The following GABRA3 variants were observed in gnomAD, a reference collection of about 807,000 sequenced individuals.
GABRA3 encodes gamma-aminobutyric acid type A receptor subunit alpha3.
A neutral mutation model predicts 30.1 loss-of-function variants in GABRA3; 10 were observed. The observed-to-expected ratio is 0.33, with a 90% CI of 0.20 to 0.56. The LOEUF is 0.56. Ranked by LOEUF, GABRA3 falls within the 20% of genes least tolerant of loss-of-function variation. GABRA3 has a pLI of 0.89. For synonymous variants in GABRA3, 151 were observed against 146.8 expected, an observed-to-expected ratio of 1.03 and a Z score of -0.21; for missense variants, 233 against 392.0, an observed-to-expected ratio of 0.59 and a Z score of 3.42.
chrX:152,289,673 C>A (rs1264124054), intron 3 of GABRA3, among the ~76,000 whole-genome samples: 1 of 110,338 alleles, frequency 9.1e-6, no homozygotes, highest in Non-Finnish European at 1.9e-5. Flanking sequence ...CCCTGCCCCC[C>A]ACCCCACGAC....
chrX:152,208,195 T>C, intron 6 of GABRA3, 51 bp from the exon 7 acceptor site: 1 of 1,139,428 alleles, frequency 8.8e-7, no homozygotes, highest in South Asian at 1.9e-5. Context: ...TGGAGAATGA[T>C]TACCCTTGAT....
intron 3 of GABRA3, among the ~76,000 whole-genome samples, chrX:152,310,986 A>G (rs1192489652): frequency 1.8e-5 from 2 of 111,420 alleles, no homozygotes; most frequent in Non-Finnish European, 3.8e-5. Flanking sequence ...TCCTGGAAAC[A>G]TACAACCTCC....
intron 5 of GABRA3, among the ~76,000 whole-genome samples, chrX:152,242,648 TTC>T (rs980571207): frequency 2.7e-5 from 3 of 112,079 alleles, no homozygotes; most frequent in Non-Finnish European, 5.6e-5. Flanking sequence ...GAGGCTCAAC[TTC>T]ATAAATAATC....
chrX:152,292,226 G>A (rs781052006), intron 3 of GABRA3, among the ~76,000 whole-genome samples: 3 of 111,335 alleles, frequency 2.7e-5, no homozygotes, highest in Non-Finnish European at 5.7e-5. Flanking sequence ...GATTCAACTT[G>A]TTCCTGGTTT....
chrX:152,232,246 A>G (rs957905555), intron 5 of GABRA3, among the ~76,000 whole-genome samples: 2 of 111,315 alleles, frequency 1.8e-5, no homozygotes, highest in Non-Finnish European at 3.8e-5. Flanking sequence ...TTTAGAAAGC[A>G]TGCTTACCTT....
intron 3 of GABRA3, among the ~76,000 whole-genome samples, chrX:152,307,531 A>G (rs1939738090): frequency 8.9e-6 from 1 of 111,818 alleles, no homozygotes; most frequent in Non-Finnish European, 1.9e-5. Flanking sequence ...ACCAGCCAAT[A>G]TGATGTAGGG....
At chrX:152,239,601 G>A (rs1259250997) in intron 5 of GABRA3, among the ~76,000 whole-genome samples, 3 of 92,142 alleles carry the variant, frequency 3.3e-5, no homozygotes, top group African/African-American at 4.3e-5. Flanking sequence ...GGGTGTTAAA[G>A]TCTCCCATTA....
chrX:152,436,796 C>T (rs1569424833), intron 1 of GABRA3, among the ~76,000 whole-genome samples: 3 of 111,291 alleles, frequency 2.7e-5, no homozygotes, highest in Non-Finnish European at 5.7e-5. Flanking sequence ...TAGAACAAAA[C>T]AAGAGAGAAT....
chrX:152,396,012 C>G (rs1294362420), intron 1 of GABRA3, among the ~76,000 whole-genome samples: 1 of 112,154 alleles, frequency 8.9e-6, no homozygotes, highest in Non-Finnish European at 1.9e-5. Context: ...GAAGTTATAA[C>G]TCCCAGTACC....
At chrX:152,333,359 G>C (rs1386883578) in intron 3 of GABRA3, among the ~76,000 whole-genome samples, 2 of 111,534 alleles carry the variant, frequency 1.8e-5, no homozygotes, top group African/African-American at 6.5e-5. Flanking sequence ...AATTTACAAA[G>C]TAAACCTACA....
intron 3 of GABRA3, among the ~76,000 whole-genome samples, chrX:152,325,725 T>A (rs1270459682): frequency 9.0e-6 from 1 of 111,493 alleles, no homozygotes; most frequent in African/African-American, 3.3e-5. Flanking sequence ...CAACGGTAGA[T>A]AAAACCACAA....
At chrX:152,271,847 G>A (rs748136213) in intron 4 of GABRA3, among the ~76,000 whole-genome samples, 6 of 111,707 alleles carry the variant, frequency 5.4e-5, no homozygotes, top group Non-Finnish European at 7.5e-5. Flanking sequence ...TGTATAGCTC[G>A]GGCCATTGCT....
chrX:152,168,404 T>C lies in GABRA3; in HGVS notation c.1303A>G (p.Lys435Glu). 4 of 1,211,866 alleles carry C rather than the reference T, an allele frequency of 3.3e-6. No homozygotes were observed. Among genetic ancestry groups the C allele is most frequent in the Non-Finnish European group, 4.5e-6 (4 of 895,558 alleles). Reference protein sequence around the residue: ...SSTPTIIASPKATYVQDSPTE... With the variant: ...SSTPTIIASPEATYVQDSPTE... ...GGGCTGTCCTGCACGTAGGTGGCCT[T>C]GGGTGAAGCAATGATTGTTGGGGTT... The change falls in exon 10 of 10, where the codon AAG becomes GAG. Residue 435 changes from lysine (K) to glutamate (E), a missense_variant. By Grantham distance (56) the Lys-to-Glu change is moderately conservative. Transcript: ENST00000370314.
At chrX:152,295,885 AT>A (rs1939520511) in intron 3 of GABRA3, among the ~76,000 whole-genome samples, 1 of 112,037 alleles carries the variant, frequency 8.9e-6, no homozygotes, top group Admixed American at 9.4e-5. Context: ...ACTGTACCCT[AT>A]TAATTTTTTT....
In GABRA3 at chrX:152,444,352, G is replaced by A. The variant is rs778075152; in HGVS notation, c.-27+6794C>T. Among the ~76,000 whole-genome samples, 3 of 111,352 alleles carry A rather than the reference G, an allele frequency of 2.7e-5. No homozygotes were observed. The East Asian group carries it at 8.6e-4, about 32-fold the overall frequency. On this transcript the variant is annotated intron_variant, in intron 1 of 9. Coordinates refer to ENST00000370314, the MANE Select transcript of GABRA3 (RefSeq NM_000808.4). The stretch of plus-strand genomic sequence containing the variant: ...ATATAGACTGAAGAAAAGATGAGAA[G>A]AACAACCATGGTTAAACATTTGAAT...
chrX:152,325,440 C>T (rs923809872), intron 3 of GABRA3, among the ~76,000 whole-genome samples: 22 of 111,775 alleles, frequency 2.0e-4, no homozygotes, highest in African/African-American at 6.5e-4. Flanking sequence ...CTGGGAGACA[C>T]CTCCCAGTAG....
At chrX:152,402,296 G>A (rs748372141) in intron 1 of GABRA3, among the ~76,000 whole-genome samples, 3 of 111,693 alleles carry the variant, frequency 2.7e-5, no homozygotes, top group South Asian at 3.7e-4. Context: ...CCCTCCAGCC[G>A]TCACACACTG....
intron 3 of GABRA3, among the ~76,000 whole-genome samples, chrX:152,299,958 G>A (rs1035408137): frequency 2.7e-5 from 3 of 112,241 alleles, no homozygotes; most frequent in African/African-American, 9.7e-5. Flanking sequence ...CACAAAGAGA[G>A]GGAAAAGGGC....
chrX:152,450,422 A>T (rs1931192970), intron 1 of GABRA3, among the ~76,000 whole-genome samples: 2 of 105,844 alleles, frequency 1.9e-5, no homozygotes, highest in Admixed American at 1.1e-4. Context: ...CTAGGATGTC[A>T]GCTCAATTAT....
Sources: allele counts gnomAD v4.1 joint callset (sites outside exome capture counted in the v4.1 genomes callset), GRCh38; gene constraint gnomAD v4.1.1; transcripts MANE v1.5; gene names NCBI Gene and HGNC (gene_info 2026-07-23, HGNC 2026-07-21).